The following ITGAD variants were observed in gnomAD, a reference collection of about 807,000 sequenced individuals.
The protein encoded by ITGAD is integrin subunit alpha D, also known as integrin alpha-D.
ITGAD carries 105 observed loss-of-function variants against 139.0 expected under a neutral mutation model. The observed-to-expected ratio is 0.76, with a 90% CI of 0.65 to 0.89. The LOEUF (loss-of-function observed/expected upper bound fraction) is 0.89. ITGAD is among the 40% of genes least tolerant of loss of function. The pLI, the probability that ITGAD is intolerant of heterozygous loss-of-function variation, is 0.00. For synonymous variants in ITGAD, 569 were observed against 598.3 expected, an observed-to-expected ratio of 0.95 and a Z score of 0.71; for missense variants, 1,384 against 1,487.3, an observed-to-expected ratio of 0.93 and a Z score of 1.14.
At chr16:31,410,662 G>A (rs1278669137) in intron 11 of ITGAD, 74 bp from the exon 12 acceptor site, 11 of 1,502,684 alleles carry the variant, frequency 7.3e-6, no homozygotes, top group African/African-American at 6.0e-5. Context: ...TGGGGGCTGC[G>A]CTGCCTGGGG....
rs149864569 is a variant in ITGAD at position 31,407,392 on chromosome 16, C to T, written c.705-123C>T. 2,327 of 927,962 alleles carry T rather than the reference C, an allele frequency of 2.5e-3. 7 individuals carry two copies. The highest frequency in any genetic ancestry group is 3.2e-3 in the Non-Finnish European group (1,949 of 615,954). 57.5% of individuals were successfully genotyped at this position (927,962 alleles called of 1,614,324 possible). A position where few individuals can be genotyped will look rare whatever the true frequency, so the allele number is the denominator to read the frequency against. The stretch of plus-strand genomic sequence containing the variant: ...CAAAACGGCAAAATCAATTCCTTAA[C>T]ATGCCTGATAGAATGTGAGGGTGCC... On this transcript the variant is annotated intron_variant, in intron 7 of 29. Transcript: ENST00000389202.
chr16:31,395,142 C>T (rs2081233349), intron 2 of ITGAD, among the ~76,000 whole-genome samples: 1 of 152,124 alleles, frequency 6.6e-6, no homozygotes, highest in South Asian at 2.1e-4. Context: ...CACAGCAAAA[C>T]CCCATCTCTA....
At chr16:31,404,117 G>A (rs768346082) in intron 7 of ITGAD, 6 of 159,550 alleles carry the variant, frequency 3.8e-5, no homozygotes, top group Middle Eastern at 3.1e-3. Context: ...ATAAATGCCT[G>A]AGGTTTTATC....
At position 31,410,794 on chromosome 16, in the gene ITGAD, C is replaced by T. The variant is rs750819100; in HGVS notation, c.1272C>T (p.Pro424=). 1 of 1,613,860 alleles carries T rather than the reference C, an allele frequency of 6.2e-7. No individual in the cohort carries two copies. The highest frequency in any genetic ancestry group is 2.2e-5 in the East Asian group (1 of 44,848). ...KGVQNLVLGA[P]RYQHTGKAVI... ...TACAGAACCTGGTCCTGGGGGCCCC[C>T]CGCTACCAGCATACCGGGAAGGCTG... is the stretch of plus-strand genomic sequence containing the variant. The change falls in exon 12 of 30, where the codon CCC becomes CCT. Residue 424 remains proline (P), a synonymous_variant. Coordinates refer to ENST00000389202, the MANE Select transcript of ITGAD (RefSeq NM_005353.3).
At chr16:31,424,249 T>C (rs749836330) in intron 28 of ITGAD, 46 bp downstream of exon 28, 17 of 1,605,214 alleles carry the variant, frequency 1.1e-5, no homozygotes, top group Admixed American at 1.7e-5. Flanking sequence ...AGAGGACCCC[T>C]AGGGCTACAT....
At position 31,418,205 on chromosome 16, in the gene ITGAD, C is replaced by T. The variant is rs1644571463; in HGVS notation, c.2616+14C>T. On this transcript the variant is annotated intron_variant, in intron 21 of 29. Coordinates refer to ENST00000389202, the MANE Select transcript of ITGAD (RefSeq NM_005353.3). Reference sequence around the variant, plus strand: ...GAGGGCTCTAACGTCAGTGCTTCTCCCTAAATCCCCATCACTGTCCTCCCT... The same window carrying T: ...GAGGGCTCTAACGTCAGTGCTTCTCTCTAAATCCCCATCACTGTCCTCCCT... 1.2e-6 allele frequency: 2 copies of T among 1,609,648 alleles called. No individual in the cohort carries two copies. Among genetic ancestry groups the T allele is most frequent in the African/African-American group, 2.7e-5 (2 of 74,800 alleles).
rs182942999 is a variant in ITGAD, at chr16:31,408,040, C to T, written c.1009+124C>T. 314 of 1,006,558 alleles carry T rather than the reference C, an allele frequency of 3.1e-4. No individual in the cohort carries two copies. In the East Asian group the frequency reaches 5.5e-3, roughly 18 times the overall value. 62.4% of individuals were successfully genotyped at this position (1,006,558 alleles called of 1,614,324 possible). A position where few individuals can be genotyped will look rare whatever the true frequency, so the allele number is the denominator to read the frequency against. ...AGGCTGGAGTGTAGTGGCACGATCT[C>T]GGCTCACTGCAACCTCTGCCTCCTG... On this transcript the variant is annotated intron_variant, in intron 9 of 29. Transcript: ENST00000389202.
chr16:31,413,696 G>A (rs550536223), intron 16 of ITGAD, among the ~76,000 whole-genome samples: 16 of 152,270 alleles, frequency 1.1e-4, no homozygotes, highest in African/African-American at 3.4e-4. Context: ...TTGGCCTCCT[G>A]GCCTCTCTGA....
intron 22 of ITGAD, 21 bp downstream of exon 22, chr16:31,418,401 C>A (rs762782900): frequency 1.2e-6 from 2 of 1,609,702 alleles, no homozygotes; most frequent in Admixed American, 1.7e-5. Context: ...GCCAGGGTAT[C>A]CCCCACCCTC....
intron 20 of ITGAD, 67 bp from the exon 21 acceptor site, chr16:31,418,008 C>T: frequency 8.1e-7 from 1 of 1,227,836 alleles, no homozygotes; most frequent in South Asian, 1.2e-5. Flanking sequence ...TGCAGTGCCA[C>T]CACTGCTGTG....
rs142055844 is a variant in ITGAD at position 31,423,360 on chromosome 16, C to A, written c.2868C>A (p.Asn956Lys). ...GCCTTGATTTCCTGCAGGTGAATAACCTCAGCCAGCGAGATCTGGCCATCA... is the reference window on the plus strand; with the variant it reads ...GCCTTGATTTCCTGCAGGTGAATAAACTCAGCCAGCGAGATCTGGCCATCA... ...KEAEHRYRVNNLSQRDLAISI... is the reference protein window; with the variant it reads ...KEAEHRYRVNKLSQRDLAISI... The change falls in exon 25 of 30, where the codon AAC (asparagine) becomes AAA (lysine). Residue 956 changes from asparagine (N) to lysine (K), a missense_variant. Asn to Lys is a moderately conservative substitution (Grantham distance 94, BLOSUM62 0). Coordinates refer to ENST00000389202, the MANE Select transcript of ITGAD (RefSeq NM_005353.3). 64 of 1,613,850 alleles carry A rather than the reference C, an allele frequency of 4.0e-5. No homozygotes were observed. Among genetic ancestry groups the A allele is most frequent in the Non-Finnish European group, 5.3e-5 (63 of 1,179,860 alleles).
intron 28 of ITGAD, 86 bp downstream of exon 28, chr16:31,424,289 C>G: frequency 6.6e-7 from 1 of 1,521,984 alleles, no homozygotes; most frequent in Non-Finnish European, 9.1e-7. Context: ...GTTTGCAAGC[C>G]TTGCGGGAGG....
At chr16:31,404,907 C>T (rs1443757495) in intron 7 of ITGAD, among the ~76,000 whole-genome samples, 1 of 150,708 alleles carries the variant, frequency 6.6e-6, no homozygotes, top group Non-Finnish European at 1.5e-5. Flanking sequence ...TTCTCTCACT[C>T]TGTTTTGTAT....
Position 31,397,927 on chromosome 16 carries a change from C to T in ITGAD, c.427+18C>T. 3 of 1,583,932 alleles carry T rather than the reference C, an allele frequency of 1.9e-6. No homozygotes were observed. Among genetic ancestry groups the T allele is most frequent in the Non-Finnish European group, 2.6e-6 (3 of 1,157,956 alleles). On this transcript the variant is annotated intron_variant, in intron 5 of 29. Coordinates refer to ENST00000389202, the MANE Select transcript of ITGAD (RefSeq NM_005353.3). The stretch of plus-strand genomic sequence containing the variant: ...CACGCCAGGTAGGTCCCTGGCAGGC[C>T]ATGGTTCCCTGTGGAGCACATGCTG...
chr16:31,410,214 A>T (rs1206881745), intron 10 of ITGAD, among the ~76,000 whole-genome samples, 181 bp from the exon 11 acceptor site: 1 of 152,012 alleles, frequency 6.6e-6, no homozygotes, highest in Non-Finnish European at 1.5e-5. Context: ...GAGTGAGAGG[A>T]GAGGGGGCTG....
intron 18 of ITGAD, 135 bp downstream of exon 18, chr16:31,415,126 A>C: frequency 1.0e-6 from 1 of 986,660 alleles, no homozygotes; most frequent in South Asian, 1.5e-5. Flanking sequence ...CTTCCTCCTC[A>C]CACCCAGGCC....
chr16:31,409,100 C>T (rs2081612477), intron 10 of ITGAD, among the ~76,000 whole-genome samples: 1 of 152,104 alleles, frequency 6.6e-6, no homozygotes, highest in Non-Finnish European at 1.5e-5. Flanking sequence ...TTGAGACCAA[C>T]TGGCCAACAT....
intron 5 of ITGAD, among the ~76,000 whole-genome samples, chr16:31,401,335 G>A (rs930886948): frequency 1.3e-5 from 2 of 152,298 alleles, no homozygotes; most frequent in Non-Finnish European, 2.9e-5. Context: ...CCCTTCAGAC[G>A]CTGAACCAGT....
At position 31,411,489 on chromosome 16, in the gene ITGAD, A is replaced by G. The variant is rs537084686; in HGVS notation, c.1679A>G (p.Glu560Gly). ...GTCTACCTGTTTCACGGAGCCTCAG[A>G]ATCCGGCATCAGCCCCTCCCACAGC... ...GAVYLFHGAS[E>G]SGISPSHSQR... Residue 560 changes from glutamate to glycine, a missense_variant, in exon 14 of 30, where the codon GAA becomes GGA. Coordinates refer to ENST00000389202, the MANE Select transcript of ITGAD (RefSeq NM_005353.3). 2,072 of 1,613,794 alleles carry G rather than the reference A, an allele frequency of 1.3e-3. 3 individuals carry two copies. Among genetic ancestry groups the G allele is most frequent in the Non-Finnish European group, 1.6e-3 (1,925 of 1,179,718 alleles).
Sources: gnomAD v4.1 joint callset for allele counts (sites outside exome capture counted in the v4.1 genomes callset) on GRCh38, gnomAD v4.1.1 for gene constraint, MANE v1.5 for transcripts, NCBI Gene and HGNC (gene_info 2026-07-23, HGNC 2026-07-21) for gene names.